Variants in NDUFAB1 observed in about 807,000 individuals in gnomAD.
NDUFAB1 encodes the protein acyl carrier protein, mitochondrial.
A neutral mutation model predicts 16.1 loss-of-function variants in NDUFAB1; 5 were observed. The observed-to-expected ratio is 0.31, with a 90% CI of 0.16 to 0.65. NDUFAB1 has a LOEUF of 0.65. Among genes scored for constraint, NDUFAB1 ranks in the 30% least tolerant of loss-of-function variants. The pLI is 0.77. For missense variants in NDUFAB1, 187 were observed against 205.3 expected, an observed-to-expected ratio of 0.91 and a Z score of 0.54; for synonymous variants, 85 against 78.4, an observed-to-expected ratio of 1.08 and a Z score of -0.44.
At chr16:23,589,221 G>A (rs1966257986) in intron 1 of NDUFAB1, among the ~76,000 whole-genome samples, 1 of 151,208 alleles carries the variant, frequency 6.6e-6, no homozygotes, top group Non-Finnish European at 1.5e-5. Flanking sequence ...GCTTGAACTT[G>A]GGAGTCGGAG....
At chr16:23,585,899 A>G (rs1966228465) in intron 2 of NDUFAB1, among the ~76,000 whole-genome samples, 1 of 152,228 alleles carries the variant, frequency 6.6e-6, no homozygotes, top group African/African-American at 2.4e-5. Flanking sequence ...CAATATATAC[A>G]TAGCTAATGA....
intron 3 of NDUFAB1, among the ~76,000 whole-genome samples, chr16:23,584,440 C>T (rs1237389589): frequency 1.3e-5 from 2 of 150,992 alleles, no homozygotes; most frequent in Non-Finnish European, 2.9e-5. Flanking sequence ...TCTCAAGGTT[C>T]GTGTGCTGTA....
chr16:23,584,158 A>T (rs1966210105), intron 3 of NDUFAB1, among the ~76,000 whole-genome samples: 1 of 147,536 alleles, frequency 6.8e-6, no homozygotes, highest in South Asian at 2.2e-4. Flanking sequence ...AAAACCAGAG[A>T]CCTTTGTTCA....
chr16:23,583,878 AGT>A (rs1966207269), intron 3 of NDUFAB1, among the ~76,000 whole-genome samples: 1 of 152,172 alleles, frequency 6.6e-6, no homozygotes, highest in African/African-American at 2.4e-5. Flanking sequence ...TGTAGAAAGA[AGT>A]AGACATAGGA....
At chr16:23,584,934 C>T (rs1313153930) in intron 3 of NDUFAB1, among the ~76,000 whole-genome samples, 3 of 152,348 alleles carry the variant, frequency 2.0e-5, no homozygotes, top group South Asian at 4.1e-4. Flanking sequence ...GCTCTGGGTG[C>T]GTCTCTTGTC....
rs116955430 is a variant in NDUFAB1, at chr16:23,595,214, A to G, written c.168+909T>C. Among the ~76,000 whole-genome samples, 824 of 152,232 alleles carry G rather than the reference A, an allele frequency of 5.4e-3. 4 individuals are homozygous for G. Among genetic ancestry groups the G allele is most frequent in the Non-Finnish European group, 8.7e-3 (589 of 68,014 alleles). ...TTGCCGTTAGCCGGAGGTTGCAGTG[A>G]GCTGAGATCACGCCACTGCATTACA... On this transcript the variant is annotated intron_variant, in intron 1 of 4. Transcript: ENST00000007516.
intron 2 of NDUFAB1, among the ~76,000 whole-genome samples, 161 bp from the exon 3 acceptor site, chr16:23,585,584 C>T (rs1203934224): frequency 1.3e-5 from 2 of 152,224 alleles, no homozygotes; most frequent in East Asian, 3.9e-4. Flanking sequence ...CATAGGTATA[C>T]ATGTGCCATG....
intron 1 of NDUFAB1, among the ~76,000 whole-genome samples, chr16:23,592,113 G>A (rs530564): frequency 0.11 from 16,270 of 152,192 alleles, 1,051 homozygotes; most frequent in African/African-American, 0.18. Flanking sequence ...CGGAAAGGAG[G>A]ATGCCAGACT....
rs1567407382 is a variant in NDUFAB1 at position 23,584,250 on chromosome 16, TCAATTAAAAAA to T, written c.379+1075_379+1085del. On this transcript the variant is annotated intron_variant, in intron 3 of 4. Coordinates refer to ENST00000007516, the MANE Select transcript of NDUFAB1 (RefSeq NM_005003.3). Reference sequence around the variant, plus strand: ...CTCTGCGAGAAACACCCAAGAATGATCAATTAAAAAAAAAAAAAAAAAAAGAAACCCAGTGC... The same window carrying T: ...CTCTGCGAGAAACACCCAAGAATGATAAAAAAAAAAAAAGAAACCCAGTGC... Among the ~76,000 whole-genome samples the T allele has an allele frequency of 6.2e-3, 40 of 6,474 alleles. 1 individual carries two copies. The highest frequency in any genetic ancestry group is 8.6e-3 in the Non-Finnish European group (28 of 3,258). The allele number at this position is 6,474 out of a possible 152,430, so 4.2% of individuals were successfully genotyped here.
intron 2 of NDUFAB1, among the ~76,000 whole-genome samples, chr16:23,585,862 C>T (rs985472372): frequency 6.6e-6 from 1 of 152,248 alleles, no homozygotes. Context: ...ACATGGTTTG[C>T]TTTATCTTAC....
At chr16:23,588,252 C>T (rs983144049) in intron 1 of NDUFAB1, among the ~76,000 whole-genome samples, 4 of 151,758 alleles carry the variant, frequency 2.6e-5, no homozygotes, top group Admixed American at 2.6e-4. Flanking sequence ...GTCAGGAGTT[C>T]GAGACCAGCC....
At chr16:23,591,124 G>T (rs1262204894) in intron 1 of NDUFAB1, 1 of 152,008 alleles carries the variant, frequency 6.6e-6, no homozygotes, top group East Asian at 1.9e-4. Flanking sequence ...CTCCTGGAAG[G>T]TCTTGCTGCT....
rs1567407179 is a variant in NDUFAB1, at chr16:23,583,711, GGGAAGTGAGGA to G, written c.380-1347_380-1337del. Among the ~76,000 whole-genome samples the G allele has an allele frequency of 4.0e-4, 57 of 143,594 alleles. 3 individuals are homozygous for G. Among genetic ancestry groups the G allele is most frequent in the African/African-American group, 1.5e-3 (55 of 37,096 alleles). 94.2% of individuals were successfully genotyped at this position (143,594 alleles called of 152,430 possible). ...CCTCTGCCCGGCAGCCGCCCCGTCT[GGGAAGTGAGGA>G]GCGTCTCCGCCCGGCAGCCGCCCCG... On this transcript the variant is annotated intron_variant, in intron 3 of 4. Coordinates refer to ENST00000007516, the MANE Select transcript of NDUFAB1 (RefSeq NM_005003.3).
chr16:23,583,610 CG>C, intron 3 of NDUFAB1, among the ~76,000 whole-genome samples: 1 of 118,160 alleles, frequency 8.5e-6, no homozygotes, highest in East Asian at 3.1e-4. Flanking sequence ...GGAGCCCCTC[CG>C]CCCGGCAGCC....
At chr16:23,583,004 A>C (rs1051086390) in intron 3 of NDUFAB1, among the ~76,000 whole-genome samples, 3 of 152,240 alleles carry the variant, frequency 2.0e-5, no homozygotes, top group Non-Finnish European at 4.4e-5. Context: ...TTTTTGGTGG[A>C]GACAGGGTTT....
At chr16:23,584,234 A>G (rs1966210880) in intron 3 of NDUFAB1, among the ~76,000 whole-genome samples, 1 of 116,952 alleles carries the variant, frequency 8.6e-6, no homozygotes, top group Admixed American at 9.1e-5. Context: ...CCTCTGCGAG[A>G]AACACCCAAG....
chr16:23,585,125 C>G (rs1966222050), intron 3 of NDUFAB1, among the ~76,000 whole-genome samples: 1 of 152,208 alleles, frequency 6.6e-6, no homozygotes, highest in Non-Finnish European at 1.5e-5. Context: ...CTCTGCTGGG[C>G]TTGTGCAAGG....
rs534296611 is a variant in NDUFAB1, at chr16:23,594,179, C to A, written c.168+1944G>T. On this transcript the variant is annotated intron_variant, in intron 1 of 4. Transcript: ENST00000007516. ...TACAGGCGTGAGCCATCGCGCCTGG[C>A]CTTTAACCCTTAATTTCAAGGTGAC... 4.6e-5 allele frequency among the ~76,000 whole-genome samples: 7 copies of A among 152,026 alleles called. No individual in the cohort carries two copies. In the South Asian group the frequency reaches 1.5e-3, roughly 32 times the overall value.
intron 2 of NDUFAB1, among the ~76,000 whole-genome samples, chr16:23,586,908 A>G (rs942964192): frequency 9.9e-5 from 15 of 152,222 alleles, no homozygotes; most frequent in African/African-American, 3.4e-4. Flanking sequence ...TCGGCCTCCC[A>G]AAGTGCTGGG....
Sources: gnomAD v4.1 joint callset for allele counts (sites outside exome capture counted in the v4.1 genomes callset) on GRCh38, gnomAD v4.1.1 for gene constraint, MANE v1.5 for transcripts, NCBI Gene and HGNC (gene_info 2026-07-23, HGNC 2026-07-21) for gene names.